The following CD247 variants were observed in gnomAD, a reference collection of about 807,000 sequenced individuals.
CD247 encodes the protein CD247 molecule, also known as T-cell surface glycoprotein CD3 zeta chain.
Under a neutral mutation model 30.0 loss-of-function variants are expected in CD247, and 13 were observed. The ratio of observed to expected loss-of-function variants is 0.43; its 90% confidence interval spans 0.28 to 0.69. CD247 has a LOEUF of 0.69. CD247 is among the 30% of genes least tolerant of loss of function. CD247 has a pLI of 0.16. For missense variants in CD247, 193 were observed against 212.6 expected (o/e 0.91, Z 0.57); for synonymous variants, 72 against 80.0 (o/e 0.90, Z 0.53).
chr1:167,442,643 C>CT (rs1651892179), intron 1 of CD247, among the ~76,000 whole-genome samples: 2 of 152,166 alleles, frequency 1.3e-5, no homozygotes, highest in South Asian at 4.1e-4. Context: ...CCAGCCCTGC[C>CT]TACCCCTCCA....
At chr1:167,505,114 C>T (rs1313434214) in intron 1 of CD247, among the ~76,000 whole-genome samples, 1 of 152,088 alleles carries the variant, frequency 6.6e-6, no homozygotes, top group Admixed American at 6.6e-5. Context: ...TTCCCTTGTA[C>T]ATAGCTGACA....
At chr1:167,482,234 T>C (rs1008622509) in intron 1 of CD247, among the ~76,000 whole-genome samples, 1 of 152,040 alleles carries the variant, frequency 6.6e-6, no homozygotes, top group Non-Finnish European at 1.5e-5. Flanking sequence ...AATGAAGGGA[T>C]CAAGCTGGCA....
chr1:167,434,717 A>G, intron 5 of CD247: 1 of 447,086 alleles, frequency 2.2e-6, no homozygotes. Flanking sequence ...CCCCAGGCTG[A>G]TCAACCTGGG....
chr1:167,443,971 T>C (rs1016081987), intron 1 of CD247, among the ~76,000 whole-genome samples: 1 of 152,180 alleles, frequency 6.6e-6, no homozygotes, highest in South Asian at 2.1e-4. Context: ...TAAATATTCA[T>C]TGGGCATCTG....
At chr1:167,436,262 A>G (rs1482349444) in intron 4 of CD247, among the ~76,000 whole-genome samples, 1 of 152,224 alleles carries the variant, frequency 6.6e-6, no homozygotes, top group African/African-American at 2.4e-5. Context: ...AAAATTTAAC[A>G]TCCTTTCATG....
chr1:167,442,952 G>A (rs1651908253), intron 1 of CD247, among the ~76,000 whole-genome samples: 2 of 152,114 alleles, frequency 1.3e-5, no homozygotes, highest in African/African-American at 4.8e-5. Flanking sequence ...GTGCCACCCT[G>A]TCCCTCTGCT....
chr1:167,474,186 T>G (rs2480678), intron 1 of CD247, among the ~76,000 whole-genome samples: 45,087 of 152,024 alleles, frequency 0.3, 7,478 homozygotes, highest in East Asian at 0.52. Flanking sequence ...GCCCTCTTTT[T>G]CTTCTCCCTG....
chr1:167,474,612 C>T (rs755225379), intron 1 of CD247, among the ~76,000 whole-genome samples: 28 of 152,024 alleles, frequency 1.8e-4, no homozygotes, highest in Non-Finnish European at 3.4e-4. Flanking sequence ...CACCTTGGCC[C>T]GCTGAAAGCA....
chr1:167,518,063 C>T (rs934391961), intron 1 of CD247, among the ~76,000 whole-genome samples: 9 of 152,202 alleles, frequency 5.9e-5, no homozygotes, highest in African/African-American at 1.9e-4. Flanking sequence ...TTTTCCGATC[C>T]TGTCCAGCTT....
chr1:167,489,641 GT>G lies in CD247; in HGVS notation c.58+28766del, dbSNP rs1225644525. ...GACTTGGCTCACTTTTCTGAGATCTGTAAAATGTGATGTGACTGGCTCTCAG... is the reference window on the plus strand; with the variant it reads ...GACTTGGCTCACTTTTCTGAGATCTGAAAATGTGATGTGACTGGCTCTCAG... On this transcript the variant is annotated intron_variant, in intron 1 of 7. Transcript: ENST00000362089. 4.6e-5 allele frequency among the ~76,000 whole-genome samples: 7 copies of G among 152,272 alleles called. No homozygotes were observed. The East Asian group carries it at 1.4e-3, about 29-fold the overall frequency.
chr1:167,450,243 C>T (rs1348693343), intron 1 of CD247, among the ~76,000 whole-genome samples: 2 of 152,202 alleles, frequency 1.3e-5, no homozygotes, highest in Non-Finnish European at 2.9e-5. Context: ...GGCCTGTAAT[C>T]CCAACACTTG....
At chr1:167,434,579 C>T (rs1329010757) in intron 5 of CD247, 5 of 361,606 alleles carry the variant, frequency 1.4e-5, no homozygotes, top group African/African-American at 1.1e-4. Context: ...GGGTCACACC[C>T]AGGAGGGTGA....
intron 1 of CD247, among the ~76,000 whole-genome samples, chr1:167,456,023 C>G (rs1382326375): frequency 6.6e-6 from 1 of 152,112 alleles, no homozygotes; most frequent in Non-Finnish European, 1.5e-5. Context: ...CCCCCTCCCC[C>G]TTCCTCAGAT....
chr1:167,483,727 G>A (rs936913920), intron 1 of CD247, among the ~76,000 whole-genome samples: 3 of 152,242 alleles, frequency 2.0e-5, no homozygotes, highest in Non-Finnish European at 4.4e-5. Flanking sequence ...CCTGCTCTGG[G>A]AGGTGGCACA....
intron 1 of CD247, among the ~76,000 whole-genome samples, chr1:167,474,084 C>G (rs1429339407): frequency 2.6e-5 from 4 of 152,132 alleles, no homozygotes; most frequent in Admixed American, 6.6e-5. Flanking sequence ...AGAGATACCC[C>G]ACTTCCTTCT....
intron 4 of CD247, among the ~76,000 whole-genome samples, chr1:167,436,872 T>C (rs1287070533): frequency 6.6e-6 from 1 of 152,138 alleles, no homozygotes; most frequent in Non-Finnish European, 1.5e-5. Context: ...TTGAACACTC[T>C]TGGTGGGAAT....
At chr1:167,460,910 G>A (rs953100910) in intron 1 of CD247, among the ~76,000 whole-genome samples, 3 of 152,218 alleles carry the variant, frequency 2.0e-5, no homozygotes, top group Non-Finnish European at 4.4e-5. Flanking sequence ...AGGCCATGCT[G>A]TCCAGGCAGC....
At chr1:167,462,126 C>T (rs1653046477) in intron 1 of CD247, among the ~76,000 whole-genome samples, 1 of 152,148 alleles carries the variant, frequency 6.6e-6, no homozygotes, top group African/African-American at 2.4e-5. Context: ...TAACTGATGC[C>T]CAACCTGCAT....
intron 1 of CD247, among the ~76,000 whole-genome samples, chr1:167,517,431 G>A (rs1328995410): frequency 6.6e-6 from 1 of 152,220 alleles, no homozygotes; most frequent in African/African-American, 2.4e-5. Flanking sequence ...CACTTCTCAG[G>A]AAGATGCCAC....
Sources: gnomAD v4.1 joint callset for allele counts (sites outside exome capture counted in the v4.1 genomes callset) on GRCh38, gnomAD v4.1.1 for gene constraint, MANE v1.5 for transcripts, NCBI Gene and HGNC (gene_info 2026-07-23, HGNC 2026-07-21) for gene names.